Variants in SNRPN observed in about 807,000 individuals in gnomAD.
SNRPN encodes the protein small nuclear ribonucleoprotein-associated protein N.
In SNRPN, 7 loss-of-function variants were observed where a neutral mutation model predicts 25.2. The observed-to-expected ratio is 0.28, with a 90% CI of 0.16 to 0.52. The LOEUF is 0.52. Ranked by LOEUF, SNRPN falls within the 20% of genes least tolerant of loss-of-function variation. SNRPN has a pLI of 0.96. For synonymous variants in SNRPN, 124 were observed against 110.6 expected (o/e 1.12, Z -0.76); for missense variants, 196 against 322.5 (o/e 0.61, Z 3.00).
At chr15:24,911,478 C>T (rs1245671207) in intron 2 of SNRPN, among the ~76,000 whole-genome samples, 1 of 152,142 alleles carries the variant, frequency 6.6e-6, no homozygotes, top group East Asian at 1.9e-4. Context: ...CCTGTGGGAA[C>T]TTGGGGCTCA....
At chr15:24,885,243 C>T (rs2057092980) in intron 1 of SNRPN, among the ~76,000 whole-genome samples, 1 of 152,158 alleles carries the variant, frequency 6.6e-6, no homozygotes, top group Non-Finnish European at 1.5e-5. Context: ...GCTGTTTCCT[C>T]AATTATAAAC....
chr15:24,973,205 T>G (rs2076655664), intron 3 of SNRPN, among the ~76,000 whole-genome samples: 1 of 151,546 alleles, frequency 6.6e-6, no homozygotes, highest in African/African-American at 2.4e-5. Flanking sequence ...CTGTTTAACA[T>G]TGTATTGTGA....
At position 24,870,335 on chromosome 15, in the gene SNRPN, C is replaced by T. The variant is rs74702023; in HGVS notation, c.-579+13619C>T. Among the ~76,000 whole-genome samples, 742 of 152,196 alleles carry T rather than the reference C, an allele frequency of 4.9e-3. 6 individuals are homozygous for T. The highest frequency in any genetic ancestry group is 0.02 in the Middle Eastern group (6 of 294). On this transcript the variant is annotated intron_variant, in intron 1 of 11. Transcript: ENST00000400097. Reference sequence around the variant, plus strand: ...GTAGTCAGCTGACAAAACAATGAAACGTACCTGTGTATACTAACCCACACA... The same window carrying T: ...GTAGTCAGCTGACAAAACAATGAAATGTACCTGTGTATACTAACCCACACA...
chr15:24,927,144 A>G (rs1263528012), intron 3 of SNRPN, among the ~76,000 whole-genome samples: 3 of 150,092 alleles, frequency 2.0e-5, no homozygotes, highest in Non-Finnish European at 4.4e-5. Context: ...TTTTGGAGAC[A>G]TGATCTTGGT....
upstream of SNRPN, among the ~76,000 whole-genome samples, chr15:24,953,596 C>G (rs1383585195): frequency 6.6e-6 from 1 of 152,226 alleles, no homozygotes; most frequent in Non-Finnish European, 1.5e-5. Flanking sequence ...GCTGGGAATA[C>G]AGGCGTAAGC....
chr15:24,918,549 T>C (rs961854139), intron 2 of SNRPN, among the ~76,000 whole-genome samples: 6 of 129,100 alleles, frequency 4.6e-5, no homozygotes, highest in Admixed American at 9.1e-5. Context: ...TATATATGTG[T>C]GTATATATAA....
In SNRPN at chr15:24,837,590, C is replaced by T. The variant is rs528940720; in HGVS notation, c.-579+7685C>T. Reference sequence around the variant, plus strand: ...TTCACCGTGTTAGCTAGGATGGTCTCGATCTCCTGACTTCGTGATCCACCC... The same window carrying T: ...TTCACCGTGTTAGCTAGGATGGTCTTGATCTCCTGACTTCGTGATCCACCC... On this transcript the variant is annotated intron_variant, in intron 2 of 12. Transcript: ENST00000400100. Among the ~76,000 whole-genome samples the T allele has an allele frequency of 4.5e-3, 679 of 151,878 alleles. 13 individuals carry two copies. The highest frequency in any genetic ancestry group is 0.015 in the African/African-American group (613 of 41,320).
At chr15:24,882,721 A>G (rs2056814488) in intron 1 of SNRPN, among the ~76,000 whole-genome samples, 1 of 151,794 alleles carries the variant, frequency 6.6e-6, no homozygotes, top group Non-Finnish European at 1.5e-5. Flanking sequence ...GCTACTCAGG[A>G]GGCTGAGGAG....
intron 2 of SNRPN, among the ~76,000 whole-genome samples, chr15:24,842,298 T>G (rs74005372): frequency 2.4e-3 from 369 of 152,286 alleles, no homozygotes; most frequent in African/African-American, 8.6e-3. Context: ...TCCAGACACT[T>G]CTACCCACTG....
At chr15:24,899,378 T>C (rs1350851052) in intron 2 of SNRPN, among the ~76,000 whole-genome samples, 1 of 152,202 alleles carries the variant, frequency 6.6e-6, no homozygotes, top group Non-Finnish European at 1.5e-5. Flanking sequence ...TCTGTGAAAA[T>C]TGAGTCAGAT....
intron 1 of SNRPN, among the ~76,000 whole-genome samples, chr15:24,956,828 C>T (rs1292744737): frequency 5.3e-5 from 8 of 152,146 alleles, no homozygotes; most frequent in South Asian, 2.1e-4. Flanking sequence ...GTACCACCTC[C>T]GCCTGTGTGG....
At chr15:24,915,664 CA>C (rs200087385) in intron 2 of SNRPN, among the ~76,000 whole-genome samples, 1,637 of 152,272 alleles carry the variant, frequency 0.011, 11 homozygotes, top group Non-Finnish European at 0.019. Flanking sequence ...AAAAATATAG[CA>C]TAAACTTGTA....
upstream of SNRPN, among the ~76,000 whole-genome samples, chr15:24,854,113 T>G (rs1169740030): frequency 6.6e-6 from 1 of 152,200 alleles, no homozygotes; most frequent in Non-Finnish European, 1.5e-5. Context: ...TCTTGGCTAT[T>G]GGAAGGTCTT....
Position 24,955,012 on chromosome 15 carries a change from G to C in SNRPN, c.-441G>C. The C allele has an allele frequency of 6.2e-7, 1 of 1,612,142 alleles. No homozygotes were observed. The highest frequency in any genetic ancestry group is 1.1e-5 in the South Asian group (1 of 90,806). ...GCAGAGTGGAGCGGCCGCCGGAGAT[G>C]CCTGACGCATCTGTCTGAGGAGCGG... On this transcript the variant is annotated 5_prime_UTR_variant, in exon 1 of 10. An upstream start codon of the reference 5' UTR is lost. Coordinates refer to ENST00000390687, the MANE Select transcript of SNRPN (RefSeq NM_003097.6).
rs186761715 is a variant in SNRPN at position 24,875,926 on chromosome 15, T to C, written c.-578-10590T>C. Reference sequence around the variant, plus strand: ...AAAACTAGCCAGACATGGTGGCACATGCCTGCAGTCCTAGCTACTCGGGAG... The same window carrying C: ...AAAACTAGCCAGACATGGTGGCACACGCCTGCAGTCCTAGCTACTCGGGAG... On this transcript the variant is annotated intron_variant, in intron 1 of 11. Transcript: ENST00000400097. Among the ~76,000 whole-genome samples the C allele has an allele frequency of 7.3e-3, 1,110 of 151,786 alleles. 4 individuals carry two copies. Among genetic ancestry groups the C allele is most frequent in the Non-Finnish European group, 0.011 (752 of 67,842 alleles).
intron 1 of SNRPN, among the ~76,000 whole-genome samples, chr15:24,866,869 T>C (rs115574271): frequency 0.018 from 2,671 of 151,348 alleles, 103 homozygotes; most frequent in African/African-American, 0.062. Flanking sequence ...CAGGATTTCC[T>C]TTTTATATGC....
intron 2 of SNRPN, among the ~76,000 whole-genome samples, chr15:24,841,393 G>A (rs1006472975): frequency 6.6e-6 from 1 of 152,002 alleles, no homozygotes; most frequent in Non-Finnish European, 1.5e-5. Flanking sequence ...GTTGCTCACA[G>A]GGCTCTACCC....
rs2077317671 is a variant in SNRPN at position 24,978,503 on chromosome 15, T to C, written c.*59T>C. On this transcript the variant is annotated 3_prime_UTR_variant, in exon 10 of 10. Coordinates refer to ENST00000390687, the MANE Select transcript of SNRPN (RefSeq NM_003097.6). The stretch of plus-strand genomic sequence containing the variant: ...CTGCAATGCGTCTTGTGAAATTGTG[T>C]AGAGTGTTTGTGAGCTTTTTGTTCC... The C allele has an allele frequency of 2.0e-6, 3 of 1,496,398 alleles. No homozygotes were observed. The highest frequency in any genetic ancestry group is 1.1e-5 in the South Asian group (1 of 88,744). The allele number at this position is 1,496,398 out of a possible 1,614,324, so 92.7% of individuals were successfully genotyped here. A position where few individuals can be genotyped will look rare whatever the true frequency, so the allele number is the denominator to read the frequency against.
At chr15:24,832,987 C>T (rs1163684796) in intron 2 of SNRPN, among the ~76,000 whole-genome samples, 2 of 151,526 alleles carry the variant, frequency 1.3e-5, no homozygotes, top group Admixed American at 6.6e-5. Flanking sequence ...CGCCTGCAGT[C>T]CCAGCTACTC....
Sources: allele counts gnomAD v4.1 joint callset (sites outside exome capture counted in the v4.1 genomes callset), GRCh38; gene constraint gnomAD v4.1.1; transcripts MANE v1.5; gene names NCBI Gene and HGNC (gene_info 2026-07-23, HGNC 2026-07-21).